Variants in TXNDC12 observed in about 807,000 individuals in gnomAD.
The protein encoded by TXNDC12 is thioredoxin domain-containing protein 12.
In TXNDC12, 22 loss-of-function variants were observed where a neutral mutation model predicts 24.2. The observed-to-expected ratio is 0.91, with a 90% CI of 0.65 to 1.30. The LOEUF is 1.30. Ranked by LOEUF, TXNDC12 falls within the 50% of genes most tolerant of loss-of-function variation. TXNDC12 has a pLI of 0.00. For missense variants in TXNDC12, 184 were observed against 205.8 expected (o/e 0.89, Z 0.65); for synonymous variants, 58 against 73.4 (o/e 0.79, Z 1.07).
At chr1:52,034,224 G>A (rs1184425241) in intron 2 of TXNDC12, among the ~76,000 whole-genome samples, 1 of 152,180 alleles carries the variant, frequency 6.6e-6, no homozygotes, top group African/African-American at 2.4e-5. Flanking sequence ...ATTCAGAGAT[G>A]AACATAAAAC....
intron 6 of TXNDC12, chr1:52,023,251 A>G: frequency 5.1e-6 from 2 of 394,130 alleles, no homozygotes; most frequent in East Asian, 9.6e-5. Flanking sequence ...GCAAGTGACT[A>G]CCTCAGTCAC....
At chr1:52,024,378 A>T in intron 5 of TXNDC12, 132 bp downstream of exon 5, 2 of 691,984 alleles carry the variant, frequency 2.9e-6, no homozygotes, top group Non-Finnish European at 5.0e-6. Context: ...GAACTCCCCC[A>T]CTCTCTCTTG....
chr1:52,028,520 A>AT (rs1685706694), intron 3 of TXNDC12, 58 bp downstream of exon 3: 1 of 1,395,530 alleles, frequency 7.2e-7, no homozygotes, highest in Admixed American at 1.8e-5. Context: ...TATTTGTTAA[A>AT]TGTTAATATT....
intron 2 of TXNDC12, among the ~76,000 whole-genome samples, chr1:52,041,070 C>T (rs183032321): frequency 0.019 from 2,925 of 151,174 alleles, 96 homozygotes; most frequent in African/African-American, 0.068. Flanking sequence ...CGGTGGCTCA[C>T]GCCTGTAATC....
At chr1:52,044,984 AAAAG>A (rs914755622) in intron 1 of TXNDC12, among the ~76,000 whole-genome samples, 3 of 152,160 alleles carry the variant, frequency 2.0e-5, no homozygotes, top group Non-Finnish European at 4.4e-5. Context: ...CAAAAAAAAA[AAAAG>A]AAAGTCAAAT....
chr1:52,028,534 C>G (rs1281617700), intron 3 of TXNDC12, 44 bp downstream of exon 3: 1 of 1,521,572 alleles, frequency 6.6e-7, no homozygotes, highest in South Asian at 1.2e-5. Context: ...TAATATTTAA[C>G]AACACATCTG....
chr1:52,035,975 CT>C (rs1685876767), intron 2 of TXNDC12, among the ~76,000 whole-genome samples: 1 of 152,156 alleles, frequency 6.6e-6, no homozygotes, highest in African/African-American at 2.4e-5. Flanking sequence ...CGGTGCCTTA[CT>C]TTTTTCATCT....
chr1:52,027,542 T>G (rs1433122995), intron 3 of TXNDC12, among the ~76,000 whole-genome samples, 194 bp from the exon 4 acceptor site: 1 of 152,144 alleles, frequency 6.6e-6, no homozygotes, highest in Non-Finnish European at 1.5e-5. Context: ...CTATGTGACC[T>G]TGAGTGACTT....
At chr1:52,051,769 T>C (rs1417149026) in intron 1 of TXNDC12, 1 of 169,298 alleles carries the variant, frequency 5.9e-6, no homozygotes, top group Non-Finnish European at 1.5e-5. Flanking sequence ...GTCTCTCCTC[T>C]CTGTAAACCA....
intron 2 of TXNDC12, among the ~76,000 whole-genome samples, chr1:52,037,412 G>A (rs1245701483): frequency 6.6e-6 from 1 of 151,946 alleles, no homozygotes; most frequent in Non-Finnish European, 1.5e-5. Context: ...GGGTTTCTCC[G>A]TGTTGGTCAG....
At chr1:52,047,201 G>C (rs1276681093) in intron 1 of TXNDC12, among the ~76,000 whole-genome samples, 2 of 152,144 alleles carry the variant, frequency 1.3e-5, no homozygotes, top group African/African-American at 4.8e-5. Flanking sequence ...CTCAAGTAGA[G>C]GGATTAGCCT....
At chr1:52,031,881 T>C (rs562580851) in intron 2 of TXNDC12, among the ~76,000 whole-genome samples, 1 of 152,226 alleles carries the variant, frequency 6.6e-6, no homozygotes, top group East Asian at 1.9e-4. Flanking sequence ...ATGAAATCAA[T>C]GAAGAATGAA....
intron 4 of TXNDC12, among the ~76,000 whole-genome samples, chr1:52,026,665 C>T (rs1464897857): frequency 1.3e-5 from 2 of 152,202 alleles, no homozygotes; most frequent in African/African-American, 2.4e-5. Context: ...TTTGGGAGGC[C>T]GAGGCAGGCA....
At chr1:52,027,620 A>G (rs1685689253) in intron 3 of TXNDC12, among the ~76,000 whole-genome samples, 4 of 152,042 alleles carry the variant, frequency 2.6e-5, no homozygotes, top group Admixed American at 2.6e-4. Flanking sequence ...TAGGGGGGAA[A>G]AGCATTATTT....
chr1:52,038,150 T>A (rs1685918719), intron 2 of TXNDC12, among the ~76,000 whole-genome samples: 1 of 152,032 alleles, frequency 6.6e-6, no homozygotes, highest in South Asian at 2.1e-4. Context: ...TGGTCTTCCT[T>A]ACTATTAATG....
Position 52,020,408 on chromosome 1 carries a change from TC to T in TXNDC12, c.*524del, listed in dbSNP as rs1342776000. ...AATTTGGGAAGAAGCCCACAATTATTCCCAGGAGAAAAAAGGGAAAAAACAG... is the reference window on the plus strand; with the variant it reads ...AATTTGGGAAGAAGCCCACAATTATTCCAGGAGAAAAAAGGGAAAAAACAG... On this transcript the variant is annotated 3_prime_UTR_variant, in exon 7 of 7. Coordinates refer to ENST00000371626, the MANE Select transcript of TXNDC12 (RefSeq NM_015913.4). The T allele has an allele frequency of 7.2e-6, 2 of 277,736 alleles. No homozygotes were observed. Among genetic ancestry groups the T allele is most frequent in the East Asian group, 7.6e-5 (1 of 13,116 alleles). 17.2% of individuals were successfully genotyped at this position (277,736 alleles called of 1,614,324 possible).
In TXNDC12 at chr1:52,055,101, G is replaced by A. The variant is rs570711808; in HGVS notation, c.-5C>T. The A allele has an allele frequency of 2.5e-6, 4 of 1,612,158 alleles. No individual in the cohort carries two copies. The highest frequency in any genetic ancestry group is 4.5e-5 in the East Asian group (2 of 44,868). On this transcript the variant is annotated 5_prime_UTR_variant, in exon 1 of 7. Coordinates refer to ENST00000371626, the MANE Select transcript of TXNDC12 (RefSeq NM_015913.4). Reference sequence around the variant, plus strand: ...GAGACGAGGCCGCGTCTCCATGGCAGTAGGTGCGCGGGGCCACGGGGCTGA... The same window carrying A: ...GAGACGAGGCCGCGTCTCCATGGCAATAGGTGCGCGGGGCCACGGGGCTGA...
chr1:52,046,484 AG>A (rs1394156317), intron 1 of TXNDC12, among the ~76,000 whole-genome samples: 1 of 152,188 alleles, frequency 6.6e-6, no homozygotes. Flanking sequence ...GACAAGTAGA[AG>A]GATGGAGCTG....
At chr1:52,053,759 T>C (rs185621817) in intron 1 of TXNDC12, among the ~76,000 whole-genome samples, 55 of 152,328 alleles carry the variant, frequency 3.6e-4, no homozygotes, top group Admixed American at 2.4e-3. Flanking sequence ...GGATTTGTCA[T>C]GCAGTTTCAT....
Sources: allele counts gnomAD v4.1 joint callset (sites outside exome capture counted in the v4.1 genomes callset), GRCh38; gene constraint gnomAD v4.1.1; transcripts MANE v1.5; gene names NCBI Gene and HGNC (gene_info 2026-07-23, HGNC 2026-07-21).